Variants in BCAR3 observed in about 807,000 individuals in gnomAD.
The protein encoded by BCAR3 is BCAR3 adaptor protein, NSP family member, also known as breast cancer anti-estrogen resistance protein 3.
In BCAR3, 37 loss-of-function variants were observed where a neutral mutation model predicts 80.1. The ratio of observed to expected loss-of-function variants is 0.46; its 90% CI spans 0.36 to 0.61. BCAR3 has a LOEUF of 0.61. BCAR3 is among the 20% of genes least tolerant of loss of function. The pLI, the probability that BCAR3 is intolerant of heterozygous loss-of-function variation, is 0.00. For missense variants in BCAR3, 978 were observed against 1,068.2 expected (o/e 0.92, Z 1.18); for synonymous variants, 389 against 418.9 (o/e 0.93, Z 0.87).
At chr1:93,680,894 G>A (rs1426468599) in intron 1 of BCAR3, among the ~76,000 whole-genome samples, 1 of 152,110 alleles carries the variant, frequency 6.6e-6, no homozygotes, top group Non-Finnish European at 1.5e-5. Flanking sequence ...GCCTAAGTGG[G>A]TAAGGACAGT....
chr1:93,806,232 A>G (rs1214802969), intron 2 of BCAR3, among the ~76,000 whole-genome samples: 1 of 152,200 alleles, frequency 6.6e-6, no homozygotes, highest in Non-Finnish European at 1.5e-5. Context: ...ATATGAGAAA[A>G]AGGCATTTGA....
Position 93,592,066 on chromosome 1 carries a change from T to C in BCAR3, c.486+199A>G. 1 of 662,392 alleles carries C rather than the reference T, an allele frequency of 1.5e-6. No individual in the cohort carries two copies. The highest frequency in any genetic ancestry group is 2.4e-6 in the Non-Finnish European group (1 of 416,446). The allele number at this position is 662,392 out of a possible 1,614,324, so 41.0% of individuals were successfully genotyped here. On this transcript the variant is annotated intron_variant, in intron 4 of 11. Transcript: ENST00000260502. This position sits in a 1 kb window ranked among gnomAD's most constrained non-coding sequence, Gnocchi z 4.8. ...CCTTCACTTCCTGAACATGTGGATG[T>C]GTGCTTTGGGTTCTTGACCTCAGCT...
chr1:93,789,488 T>C (rs1463831552), intron 2 of BCAR3, among the ~76,000 whole-genome samples: 1 of 152,210 alleles, frequency 6.6e-6, no homozygotes, highest in Admixed American at 6.5e-5. Context: ...TCCACAAAAA[T>C]TGTATGCACA....
rs202125199 is a variant in BCAR3 at position 93,589,319 on chromosome 1, G to A, written c.587C>T (p.Ala196Val). The change falls in exon 5 of 12, where the codon GCT (alanine) becomes GTT (valine). Residue 196 changes from alanine to valine, a missense_variant. Coordinates refer to ENST00000260502, the MANE Select transcript of BCAR3 (RefSeq NM_003567.4). ...FVLTCQWKNL[A>V]QHFKINRTVL... Reference sequence around the variant, plus strand: ...TGTCCGGTTGATTTTGAAGTGCTGAGCGAGGTTCTTCCACTGACAGGTCAG... The same window carrying A: ...TGTCCGGTTGATTTTGAAGTGCTGAACGAGGTTCTTCCACTGACAGGTCAG... 15 of 1,614,060 alleles carry A rather than the reference G, an allele frequency of 9.3e-6. No individual in the cohort carries two copies. Among genetic ancestry groups the A allele is most frequent in the Non-Finnish European group, 1.3e-5 (15 of 1,180,042 alleles).
chr1:93,692,420 C>T (rs1257586611), intron 3 of BCAR3, among the ~76,000 whole-genome samples: 5 of 152,128 alleles, frequency 3.3e-5, no homozygotes, highest in African/African-American at 1.2e-4. Flanking sequence ...AGGAGACACA[C>T]AAGAATTGGC....
intron 1 of BCAR3, among the ~76,000 whole-genome samples, chr1:93,679,710 G>C (rs1346482515): frequency 6.6e-6 from 1 of 152,184 alleles, no homozygotes; most frequent in African/African-American, 2.4e-5. Flanking sequence ...TCCTGGGCCT[G>C]GTCAGTCGCT....
chr1:93,728,806 T>G (rs1369279906), intron 2 of BCAR3, among the ~76,000 whole-genome samples: 1 of 152,148 alleles, frequency 6.6e-6, no homozygotes, highest in Non-Finnish European at 1.5e-5. Flanking sequence ...GCCATCTGTG[T>G]GTCTGCCTGC....
intron 2 of BCAR3, chr1:93,845,497 TA>T (rs1557708549): frequency 0.35 from 952 of 2,722 alleles, 91 homozygotes; most frequent in African/African-American, 0.43. Flanking sequence ...TATATATATA[TA>T]TATAAAACTT....
At position 93,778,442 on chromosome 1, in the gene BCAR3, C is replaced by A. The variant is rs145780160; in HGVS notation, c.-63+67125G>T. ...AGCCTAATTACTTATTTGCTCTATC[C>A]TATTATATATATAGTGAATAGTATC... is the stretch of plus-strand genomic sequence containing the variant. On this transcript the variant is annotated intron_variant, in intron 2 of 13. Transcript: ENST00000370244. Among the ~76,000 whole-genome samples, 127 of 151,988 alleles carry A rather than the reference C, an allele frequency of 8.4e-4. 1 individual carries two copies. Among genetic ancestry groups the A allele is most frequent in the African/African-American group, 2.8e-3 (117 of 41,462 alleles).
chr1:93,674,920 C>A lies in BCAR3; in HGVS notation c.11G>T (p.Gly4Val). 6.4e-7 allele frequency: 1 copy of A among 1,555,470 alleles called. No homozygotes were observed. The change falls in exon 2 of 12, where the codon GGA (glycine) becomes GTA (valine). Residue 4 changes from glycine (G) to valine (V), a missense_variant. Physicochemically the swap from Gly to Val is moderately radical, Grantham distance 109 (BLOSUM62 -3). Transcript: ENST00000260502. ...GTTTCTGGGAAGGCTTGCAAATTTTCCTGCAGCCATAATTCTCAACTCTAA... is the reference window on the plus strand; with the variant it reads ...GTTTCTGGGAAGGCTTGCAAATTTTACTGCAGCCATAATTCTCAACTCTAA... MAA[G>V]KFASLPRNMP...
At chr1:93,734,788 C>T (rs1650918379) in intron 2 of BCAR3, among the ~76,000 whole-genome samples, 1 of 152,196 alleles carries the variant, frequency 6.6e-6, no homozygotes, top group African/African-American at 2.4e-5. Flanking sequence ...AGAGGATGCC[C>T]ATTCCTGGCA....
chr1:93,579,981 G>C (rs562274454), intron 7 of BCAR3, among the ~76,000 whole-genome samples: 2 of 152,336 alleles, frequency 1.3e-5, no homozygotes, highest in Admixed American at 6.5e-5. Context: ...AGCACTGCCC[G>C]AGGCCATCTG....
chr1:93,642,912 T>G (rs1300826396), intron 2 of BCAR3, among the ~76,000 whole-genome samples: 1 of 152,202 alleles, frequency 6.6e-6, no homozygotes, highest in African/African-American at 2.4e-5. Context: ...CATCCTACTG[T>G]TCTGTGTGCC....
intron 2 of BCAR3, among the ~76,000 whole-genome samples, chr1:93,789,069 C>G (rs957384411): frequency 6.6e-6 from 1 of 152,052 alleles, no homozygotes; most frequent in Non-Finnish European, 1.5e-5. Context: ...GATCCTAGCT[C>G]ACTATAACCT....
At chr1:93,595,461 C>T (rs1674383570) in intron 3 of BCAR3, among the ~76,000 whole-genome samples, 1 of 152,202 alleles carries the variant, frequency 6.6e-6, no homozygotes, top group South Asian at 2.1e-4. Context: ...GAGCCTCTGC[C>T]TTAGCAGATG....
Position 93,834,405 on chromosome 1 carries a change from T to C in BCAR3, c.-63+11162A>G, listed in dbSNP as rs781552266. 3.3e-5 allele frequency among the ~76,000 whole-genome samples: 5 copies of C among 152,110 alleles called. No homozygotes were observed. The South Asian group carries it at 1.0e-3, about 31-fold the overall frequency. On this transcript the variant is annotated intron_variant, in intron 2 of 13. Coordinates refer to the BCAR3 transcript ENST00000370244. ...TTCTAGATAAACCTAGCTGACCCCATAGATCCTAAATCCTTTCCCCACTCC... is the reference window on the plus strand; with the variant it reads ...TTCTAGATAAACCTAGCTGACCCCACAGATCCTAAATCCTTTCCCCACTCC...
chr1:93,636,994 G>A (rs182550676), intron 3 of BCAR3, among the ~76,000 whole-genome samples: 1 of 152,052 alleles, frequency 6.6e-6, no homozygotes. Context: ...ACCTGAGGGG[G>A]CTGAGGTGGG....
chr1:93,734,639 A>G (rs1650913287), intron 2 of BCAR3, among the ~76,000 whole-genome samples: 1 of 152,140 alleles, frequency 6.6e-6, no homozygotes, highest in Non-Finnish European at 1.5e-5. Flanking sequence ...AGAGGCTGTT[A>G]CTTCCAGGCG....
At chr1:93,756,187 T>A (rs527449639) in intron 2 of BCAR3, among the ~76,000 whole-genome samples, 1 of 152,220 alleles carries the variant, frequency 6.6e-6, no homozygotes, top group African/African-American at 2.4e-5. Flanking sequence ...TTTAATTGCA[T>A]GCAGTGGTCT....
Sources: allele counts gnomAD v4.1 joint callset (sites outside exome capture counted in the v4.1 genomes callset), GRCh38; gene constraint gnomAD v4.1.1; non-coding constraint Gnocchi (gnomAD v3.1); transcripts MANE v1.5; gene names NCBI Gene and HGNC (gene_info 2026-07-23, HGNC 2026-07-21).